Variants in OR4F16 observed in about 807,000 individuals in gnomAD.
OR4F16 encodes the protein olfactory receptor 4F3/4F16/4F29.
At chr1:691,627 G>GA (rs1643068868), upstream of OR4F16, among the ~76,000 whole-genome samples, 1 of 106,548 alleles carries the variant, frequency 9.4e-6, no homozygotes, top group Non-Finnish European at 1.9e-5. Flanking sequence ...GAAATGGGAG[G>GA]AAGGTAAACT....
chr1:713,576 G>A, the OR4F16 span, among the ~76,000 whole-genome samples: 1 of 128,248 alleles, frequency 7.8e-6, no homozygotes, highest in Non-Finnish European at 1.5e-5. Context: ...TCTCTTCCAA[G>A]TACCACTTCA....
chr1:693,411 TAATG>T, the OR4F16 span, among the ~76,000 whole-genome samples: 9 of 100,336 alleles, frequency 9.0e-5, no homozygotes, highest in African/African-American at 1.4e-4. Flanking sequence ...TCAAATGTAT[TAATG>T]AATGAATGAA....
the OR4F16 span, among the ~76,000 whole-genome samples, chr1:717,039 TA>T: frequency 2.6e-5 from 3 of 115,394 alleles, no homozygotes; most frequent in South Asian, 9.9e-4. Flanking sequence ...TTTATAAATT[TA>T]AAAAACTAGA....
chr1:682,641 AG>A (rs1642998402), downstream of OR4F16, among the ~76,000 whole-genome samples: 1 of 58,670 alleles, frequency 1.7e-5, no homozygotes, highest in Middle Eastern at 0.011. Context: ...TGAGGGGACC[AG>A]GGAGATTTGA....
chr1:701,527 C>T, the OR4F16 span, among the ~76,000 whole-genome samples: 3 of 150,364 alleles, frequency 2.0e-5, no homozygotes, highest in Non-Finnish European at 1.5e-5. Context: ...TGTCAGACTG[C>T]TCTGGTGAAG....
At chr1:712,427 G>GT in the OR4F16 span, among the ~76,000 whole-genome samples, 1 of 89,364 alleles carries the variant, frequency 1.1e-5, no homozygotes, top group East Asian at 4.0e-4. Context: ...GGGTTTCACC[G>GT]TGTTAGCCAG....
the OR4F16 span, among the ~76,000 whole-genome samples, chr1:713,593 C>G: frequency 8.3e-6 from 1 of 120,180 alleles, no homozygotes; most frequent in Non-Finnish European, 1.6e-5. Context: ...TTCATTTCTT[C>G]TTTTCATATT....
chr1:697,035 A>AT, the OR4F16 span, among the ~76,000 whole-genome samples: 2 of 95,488 alleles, frequency 2.1e-5, 1 homozygote, highest in Non-Finnish European at 3.5e-5. Context: ...CCCTATTAGT[A>AT]TTTTTTGAAC....
the OR4F16 span, among the ~76,000 whole-genome samples, chr1:680,235 T>C: frequency 5.2e-5 from 3 of 57,832 alleles, no homozygotes; most frequent in African/African-American, 2.2e-4. Context: ...AATACCTATT[T>C]ATGAAAAACC....
chr1:680,130 A>G, the OR4F16 span, among the ~76,000 whole-genome samples: 1 of 104,712 alleles, frequency 9.6e-6, no homozygotes, highest in South Asian at 3.9e-4. Context: ...GCTTCTCTCA[A>G]TAGATGCAGA....
the OR4F16 span, among the ~76,000 whole-genome samples, chr1:679,884 T>C: frequency 8.3e-6 from 1 of 121,014 alleles, no homozygotes; most frequent in Non-Finnish European, 1.7e-5. Context: ...ATAATTCTGG[T>C]ACCAAAATTT....
chr1:701,323 T>G, the OR4F16 span, among the ~76,000 whole-genome samples: 11 of 149,966 alleles, frequency 7.3e-5, no homozygotes, highest in African/African-American at 2.7e-4. Context: ...ATGGGAGAAT[T>G]AGAAAACGCT....
the OR4F16 span, among the ~76,000 whole-genome samples, chr1:702,566 TAATATA>T: frequency 1.5e-5 from 1 of 68,648 alleles, no homozygotes; most frequent in Non-Finnish European, 2.8e-5. Context: ...ATCTCATTCA[TAATATA>T]AAGTATAAAT....
the OR4F16 span, among the ~76,000 whole-genome samples, chr1:715,823 C>T: frequency 6.2e-4 from 94 of 150,938 alleles, 1 homozygote; most frequent in African/African-American, 2.2e-3. Flanking sequence ...TAGAGTAAGA[C>T]CCTGTCTCAA....
the OR4F16 span, among the ~76,000 whole-genome samples, chr1:716,963 AT>A: frequency 2.1e-4 from 16 of 75,274 alleles, no homozygotes; most frequent in South Asian, 3.2e-3. Context: ...ATGATAAAAA[AT>A]GTTGCATACA....
the OR4F16 span, among the ~76,000 whole-genome samples, chr1:701,594 C>T: frequency 1.1e-3 from 162 of 149,190 alleles, 2 homozygotes; most frequent in Non-Finnish European, 1.5e-3. Context: ...AATACTATGC[C>T]GCCATTAAAA....
At chr1:701,554 T>A in the OR4F16 span, among the ~76,000 whole-genome samples, 1 of 150,344 alleles carries the variant, frequency 6.7e-6, no homozygotes. Flanking sequence ...AGCCCACAGT[T>A]TATATGCAGG....
upstream of OR4F16, among the ~76,000 whole-genome samples, chr1:690,979 A>T (rs1322697585): frequency 6.8e-6 from 1 of 147,934 alleles, no homozygotes; most frequent in Non-Finnish European, 1.5e-5. Flanking sequence ...TTTGATCATT[A>T]CACATTGTAT....
At chr1:677,864 T>TGCAAAAAAAA in the OR4F16 span, among the ~76,000 whole-genome samples, 1 of 77,912 alleles carries the variant, frequency 1.3e-5, no homozygotes, top group African/African-American at 5.6e-5. Flanking sequence ...AATTCAGAAA[T>TGCAAAAAAAA]ACGGAGAACA....
Sources: gnomAD v4.1 joint callset for allele counts (sites outside exome capture counted in the v4.1 genomes callset) on GRCh38, gnomAD v4.1.1 for gene constraint, MANE v1.5 for transcripts, NCBI Gene and HGNC (gene_info 2026-07-23, HGNC 2026-07-21) for gene names.